Variants in LEO1 observed in about 807,000 individuals in gnomAD.
LEO1 encodes the protein LEO1 component of Paf1/RNA polymerase II complex, also known as RNA polymerase-associated protein LEO1.
A neutral mutation model predicts 80.4 loss-of-function variants in LEO1; 34 were observed. That is an observed-to-expected ratio of 0.42 (90% CI 0.32 to 0.56). LEO1 has a LOEUF of 0.56. Ranked by LOEUF, LEO1 falls within the 20% of genes least tolerant of loss-of-function variation. The probability of loss-of-function intolerance (pLI) is 0.10; values close to 1 mark genes in which losing one functional copy is unlikely to be tolerated. For synonymous variants in LEO1, 262 were observed against 274.9 expected (o/e 0.95, Z 0.46); for missense variants, 631 against 814.2 (o/e 0.77, Z 2.74).
chr15:51,945,721 G>A (rs1050242976), intron 11 of LEO1, among the ~76,000 whole-genome samples: 2 of 152,128 alleles, frequency 1.3e-5, no homozygotes, highest in African/African-American at 2.4e-5. Context: ...CCAGTGGGGT[G>A]TTAAATACTC....
intron 7 of LEO1, among the ~76,000 whole-genome samples, chr15:51,953,950 T>C (rs1566883420): frequency 1.3e-5 from 2 of 150,824 alleles, no homozygotes; most frequent in Admixed American, 1.3e-4. Flanking sequence ...TTTTTTTTTT[T>C]TGAGACGGCA....
intron 8 of LEO1, among the ~76,000 whole-genome samples, chr15:51,952,918 G>C (rs1294002620): frequency 6.6e-6 from 1 of 152,218 alleles, no homozygotes; most frequent in African/African-American, 2.4e-5. Flanking sequence ...TCTCTTGTAA[G>C]TCTGGTTAGC....
In LEO1 at chr15:51,967,817, C is replaced by T. The variant is rs114752591; in HGVS notation, c.59-1313G>A. Among the ~76,000 whole-genome samples the T allele has an allele frequency of 2.6e-3, 398 of 152,246 alleles. 2 individuals carry two copies. The highest frequency in any genetic ancestry group is 9.3e-3 in the African/African-American group (385 of 41,554). On this transcript the variant is annotated intron_variant, in intron 1 of 11. Transcript: ENST00000299601. The stretch of plus-strand genomic sequence containing the variant: ...TAAAATTATGCTTCAAAAACTAAGA[C>T]GATATGGAAGACAAAAGAAAACATA...
intron 7 of LEO1, among the ~76,000 whole-genome samples, chr15:51,953,624 A>G (rs1032946667): frequency 2.7e-5 from 4 of 146,284 alleles, no homozygotes; most frequent in Admixed American, 1.4e-4. Context: ...CATCTCAAGG[A>G]AAAAAAAAAA....
At chr15:51,948,162 C>A (rs1168593703) in intron 10 of LEO1, among the ~76,000 whole-genome samples, 1 of 152,134 alleles carries the variant, frequency 6.6e-6, no homozygotes, top group African/African-American at 2.4e-5. Context: ...CCCAGGTGAA[C>A]CTCTGGGTGG....
At chr15:51,967,532 A>T (rs1296727899) in intron 1 of LEO1, among the ~76,000 whole-genome samples, 1 of 152,242 alleles carries the variant, frequency 6.6e-6, no homozygotes, top group East Asian at 1.9e-4. Flanking sequence ...ATAGATCTAC[A>T]CATCCAACAA....
At chr15:51,964,155 G>A (rs2057055517) in intron 2 of LEO1, among the ~76,000 whole-genome samples, 1 of 151,216 alleles carries the variant, frequency 6.6e-6, no homozygotes, top group South Asian at 2.1e-4. Flanking sequence ...GCAGTGAGCT[G>A]AGATCATGCC....
chr15:51,952,303 C>T (rs945389958), intron 8 of LEO1: 4 of 159,070 alleles, frequency 2.5e-5, no homozygotes, highest in Non-Finnish European at 5.5e-5. Context: ...AAAGTAATTG[C>T]GGTTTTTGCC....
intron 7 of LEO1, among the ~76,000 whole-genome samples, chr15:51,954,203 G>A (rs944577394): frequency 1.3e-4 from 19 of 151,162 alleles, no homozygotes; most frequent in African/African-American, 4.1e-4. Flanking sequence ...GATTACAGGC[G>A]TGAGCCACCG....
chr15:51,956,235 C>G (rs2056987877), intron 6 of LEO1, among the ~76,000 whole-genome samples: 3 of 151,964 alleles, frequency 2.0e-5, no homozygotes, highest in South Asian at 4.1e-4. Context: ...CTGGCCAACA[C>G]AGTGAAACCC....
chr15:51,960,782 G>A (rs1308293883), intron 3 of LEO1, 49 bp from the exon 4 acceptor site: 2 of 1,061,942 alleles, frequency 1.9e-6, no homozygotes, highest in South Asian at 2.5e-5. Flanking sequence ...TGTAACTAAG[G>A]TTCTTCACAG....
intron 1 of LEO1, among the ~76,000 whole-genome samples, chr15:51,970,351 G>A (rs1217962505): frequency 6.6e-6 from 1 of 152,104 alleles, no homozygotes; most frequent in African/African-American, 2.4e-5. Context: ...TAGAGACAGG[G>A]TTTCACCATG....
intron 11 of LEO1, among the ~76,000 whole-genome samples, chr15:51,946,064 C>T (rs933066117): frequency 1.3e-5 from 2 of 151,366 alleles, no homozygotes; most frequent in African/African-American, 4.9e-5. Context: ...ATTCTCAGGG[C>T]CTATTCTCTT....
In LEO1 at chr15:51,966,483, G is replaced by A. The variant is rs1196872886; in HGVS notation, c.80C>T (p.Ser27Leu). The stretch of plus-strand genomic sequence containing the variant: ...GGCAGCATTCTCTTGATCAGAATCT[G>A]AGTCAGATCCAGAATCAGAATCTAT... ...ERKDSDSGSD[S>L]DSDQENAASG... Residue 27 changes from serine to leucine, a missense_variant, in exon 2 of 12, where the codon TCA (serine) becomes TTA (leucine). This residue lies in a region of LEO1 where 394 missense variants were observed against 395.6 expected (regional missense o/e 1.00). Coordinates refer to ENST00000299601, the MANE Select transcript of LEO1 (RefSeq NM_138792.4). 4 of 1,604,482 alleles carry A rather than the reference G, an allele frequency of 2.5e-6. No individual in the cohort carries two copies. The highest frequency in any genetic ancestry group is 3.4e-6 in the Non-Finnish European group (4 of 1,173,022).
chr15:51,964,959 C>A (rs954706752), intron 2 of LEO1, among the ~76,000 whole-genome samples: 3 of 152,112 alleles, frequency 2.0e-5, no homozygotes, highest in Non-Finnish European at 4.4e-5. Context: ...TGTATGCCTC[C>A]TGTAGTCTTT....
At position 51,945,473 on chromosome 15, in the gene LEO1, T is replaced by C. The variant is rs199833890; in HGVS notation, c.1896+1819A>G. Reference sequence around the variant, plus strand: ...AGAGAGCTGAAGAGTTCACTGTCACTACCTTCAGACGTTTACTCAAAGATC... The same window carrying C: ...AGAGAGCTGAAGAGTTCACTGTCACCACCTTCAGACGTTTACTCAAAGATC... On this transcript the variant is annotated intron_variant, in intron 11 of 11. Transcript: ENST00000299601. 4.5e-4 allele frequency among the ~76,000 whole-genome samples: 69 copies of C among 152,162 alleles called. 1 individual carries two copies. Among genetic ancestry groups the C allele is most frequent in the African/African-American group, 1.6e-3 (65 of 41,528 alleles).
At chr15:51,959,247 G>A (rs910863049) in intron 5 of LEO1, among the ~76,000 whole-genome samples, 45 of 152,032 alleles carry the variant, frequency 3.0e-4, no homozygotes, top group African/African-American at 9.9e-4. Context: ...CAGGTGATCC[G>A]CCCTCCTCGG....
intron 6 of LEO1, 193 bp from the exon 7 acceptor site, chr15:51,954,768 A>C: frequency 1.8e-6 from 1 of 550,340 alleles, no homozygotes; most frequent in Non-Finnish European, 3.2e-6. Flanking sequence ...CAGGGAAAAA[A>C]ATATGCTTAA....
At chr15:51,960,170 C>T (rs1342215783) in intron 4 of LEO1, 126 bp from the exon 5 acceptor site, 2 of 690,854 alleles carry the variant, frequency 2.9e-6, no homozygotes, top group Non-Finnish European at 4.6e-6. Flanking sequence ...CTAAAGAAGT[C>T]CCCAGTCCCC....
Sources: allele counts gnomAD v4.1 joint callset (sites outside exome capture counted in the v4.1 genomes callset), GRCh38; gene constraint gnomAD v4.1.1; regional missense constraint gnomAD v4.1.1; transcripts MANE v1.5; gene names NCBI Gene and HGNC (gene_info 2026-07-23, HGNC 2026-07-21).